Variants in FAM161A observed in about 807,000 individuals in gnomAD.
FAM161A encodes protein FAM161A.
A neutral mutation model predicts 70.9 loss-of-function variants in FAM161A; 57 were observed. The observed-to-expected ratio is 0.80, with a 90% CI of 0.65 to 1.00. FAM161A has a LOEUF of 1.00. Ranked by LOEUF, FAM161A falls within the 50% of genes least tolerant of loss-of-function variation. The probability of loss-of-function intolerance (pLI) is 0.00; values close to 1 mark genes in which losing one functional copy is unlikely to be tolerated. For missense variants in FAM161A, 880 were observed against 836.0 expected, an observed-to-expected ratio of 1.05 and a Z score of -0.65; for synonymous variants, 299 against 295.7, an observed-to-expected ratio of 1.01 and a Z score of -0.12.
In FAM161A at chr2:61,848,890, ATATATTTATATATATATT is replaced by A. The variant is rs1673344165; in HGVS notation, c.183+4951_183+4968del. On this transcript the variant is annotated intron_variant, in intron 1 of 6. Coordinates refer to ENST00000404929, the MANE Select transcript of FAM161A (RefSeq NM_001201543.2). ...TATATATATTTATATATATATTTAT[ATATATTTATATATATATT>A]TATATATTTATATATATTTATATAT... 6.4e-4 allele frequency among the ~76,000 whole-genome samples: 6 copies of A among 9,306 alleles called. 1 individual carries two copies. Among genetic ancestry groups the A allele is most frequent in the Middle Eastern group, 0.25 (2 of 8 alleles). The allele number at this position is 9,306 out of a possible 152,430, so 6.1% of individuals were successfully genotyped here.
chr2:61,803,427 G>A, the FAM161A span: 2 of 677,312 alleles, frequency 3.0e-6, no homozygotes, highest in South Asian at 1.5e-5. Context: ...AGAAAGTCAG[G>A]GGTACTGCAA....
In FAM161A at chr2:61,842,364, G is replaced by C. The variant is rs1342824054; in HGVS notation, c.184-4C>G. 2 of 1,537,004 alleles carry C rather than the reference G, an allele frequency of 1.3e-6. No homozygotes were observed. Among genetic ancestry groups the C allele is most frequent in the Non-Finnish European group, 1.8e-6 (2 of 1,131,792 alleles). ...AAAAGCTGGTGTTCAAATCAGCCTG[G>C]TGGGGAGAAAACACTTGATATATAG... is the stretch of plus-strand genomic sequence containing the variant. On this transcript the variant is annotated splice_region_variant and splice_polypyrimidine_tract_variant and intron_variant, in intron 1 of 6. Coordinates refer to ENST00000404929, the MANE Select transcript of FAM161A (RefSeq NM_001201543.2).
At chr2:61,833,857 C>T (rs1672674997) in intron 5 of FAM161A, among the ~76,000 whole-genome samples, 1 of 152,058 alleles carries the variant, frequency 6.6e-6, no homozygotes, top group African/African-American at 2.4e-5. Flanking sequence ...CAGCGAGACC[C>T]AGTCTCTACA....
At chr2:61,823,362 C>CATATATATATATATATATATGTATATAT (rs1672249578), downstream of FAM161A, among the ~76,000 whole-genome samples, 1 of 119,990 alleles carries the variant, frequency 8.3e-6, no homozygotes, top group African/African-American at 3.2e-5. Flanking sequence ...AATTTTCCAT[C>CATATATATATATATATATATGTATATAT]ATATATATAT....
chr2:61,805,083 C>T, the FAM161A span, among the ~76,000 whole-genome samples: 5 of 152,212 alleles, frequency 3.3e-5, no homozygotes, highest in Middle Eastern at 3.4e-3. Flanking sequence ...CTCCTGACCC[C>T]AAATTTTTAG....
intron 2 of FAM161A, among the ~76,000 whole-genome samples, chr2:61,841,771 T>C (rs1342725303): frequency 2.0e-5 from 3 of 152,246 alleles, no homozygotes; most frequent in Non-Finnish European, 4.4e-5. Context: ...GAACTCTTTG[T>C]ACTAGATCTT....
At chr2:61,823,914 T>A (rs1040457118), downstream of FAM161A, among the ~76,000 whole-genome samples, 2 of 152,104 alleles carry the variant, frequency 1.3e-5, no homozygotes, top group African/African-American at 4.8e-5. Context: ...ATGTAAAAAA[T>A]TTTCAGTTAC....
chr2:61,838,454 C>A, intron 4 of FAM161A, 84 bp downstream of exon 4: 1 of 1,143,056 alleles, frequency 8.7e-7, no homozygotes, highest in South Asian at 1.4e-5. Flanking sequence ...TATTTTCAAT[C>A]TGCTCATATT....
chr2:61,830,250 G>A (rs1156607639), intron 5 of FAM161A, among the ~76,000 whole-genome samples: 1 of 152,150 alleles, frequency 6.6e-6, no homozygotes, highest in Non-Finnish European at 1.5e-5. Context: ...GATTCAGATA[G>A]GAAATAAAGG....
chr2:61,814,795 C>T, the FAM161A span, among the ~76,000 whole-genome samples: 6 of 152,184 alleles, frequency 3.9e-5, no homozygotes, highest in Admixed American at 3.3e-4. Flanking sequence ...CTGTTGAGTG[C>T]GTATACTTGG....
chr2:61,840,273 A>G lies in FAM161A; in HGVS notation c.731T>C (p.Met244Thr), dbSNP rs373769568. The change falls in exon 3 of 7, where the codon ATG (methionine) becomes ACG (threonine). Residue 244 changes from methionine (M) to threonine (T), a missense_variant. Met to Thr is a moderately conservative substitution (Grantham distance 81). Transcript: ENST00000404929. ...TTTTTTCTTCTGTTCTCTTATCATCATTTGAAAAGGCTCCGGTACTGTAAT... is the reference window on the plus strand; with the variant it reads ...TTTTTTCTTCTGTTCTCTTATCATCGTTTGAAAAGGCTCCGGTACTGTAAT... ...PTITVPEPFQMMIREQKKKEE... is the reference protein window; with the variant it reads ...PTITVPEPFQTMIREQKKKEE... The G allele has an allele frequency of 1.2e-6, 2 of 1,613,946 alleles. No individual in the cohort carries two copies. The highest frequency in any genetic ancestry group is 1.7e-6 in the Non-Finnish European group (2 of 1,179,996).
rs370552841 is a variant in FAM161A, at chr2:61,825,676, T to C, written c.*779A>G. 1.1e-4 allele frequency: 45 copies of C among 426,594 alleles called. No individual in the cohort carries two copies. Among genetic ancestry groups the C allele is most frequent in the Non-Finnish European group, 1.1e-4 (24 of 219,140 alleles). 26.4% of individuals were successfully genotyped at this position (426,594 alleles called of 1,614,324 possible). On this transcript the variant is annotated 3_prime_UTR_variant, in exon 7 of 7. Transcript: ENST00000404929. ...TTTTGGAGACGGAGTCTCGCTCTGTTGCCCAAGCTGGAGTGCAGTGGCGCG... is the reference window on the plus strand; with the variant it reads ...TTTTGGAGACGGAGTCTCGCTCTGTCGCCCAAGCTGGAGTGCAGTGGCGCG...
intron 5 of FAM161A, among the ~76,000 whole-genome samples, chr2:61,834,591 T>C (rs949043399): frequency 6.6e-6 from 1 of 151,970 alleles, no homozygotes; most frequent in Non-Finnish European, 1.5e-5. Flanking sequence ...GCCTCCCAAG[T>C]AGTTGGGACT....
the FAM161A span, among the ~76,000 whole-genome samples, chr2:61,803,587 A>T: frequency 6.6e-6 from 1 of 152,230 alleles, no homozygotes; most frequent in African/African-American, 2.4e-5. Context: ...AGGCCAAGGC[A>T]GGTGGATCAC....
At chr2:61,807,965 G>A in the FAM161A span, among the ~76,000 whole-genome samples, 1 of 152,162 alleles carries the variant, frequency 6.6e-6, no homozygotes, top group Non-Finnish European at 1.5e-5. Flanking sequence ...GCCACACAAA[G>A]TGTGGGCCCA....
At chr2:61,830,151 C>T (rs927141935) in intron 5 of FAM161A, among the ~76,000 whole-genome samples, 1 of 152,118 alleles carries the variant, frequency 6.6e-6, no homozygotes, top group African/African-American at 2.4e-5. Context: ...CCAGGGTTAA[C>T]ATTTTAGTAG....
chr2:61,801,506 A>G, the FAM161A span, among the ~76,000 whole-genome samples: 1 of 151,832 alleles, frequency 6.6e-6, no homozygotes, highest in Non-Finnish European at 1.5e-5. Flanking sequence ...CAAAAAAAAA[A>G]AAATAGAATT....
intron 1 of FAM161A, among the ~76,000 whole-genome samples, chr2:61,843,233 T>G (rs1478407902): frequency 2.0e-5 from 3 of 152,186 alleles, no homozygotes; most frequent in Non-Finnish European, 4.4e-5. Flanking sequence ...AACCTCTGCC[T>G]TCTCCTGCCT....
chr2:61,837,028 C>A (rs1204860493), intron 4 of FAM161A, among the ~76,000 whole-genome samples: 2 of 152,046 alleles, frequency 1.3e-5, no homozygotes, highest in African/African-American at 4.8e-5. Context: ...CCACACCTGG[C>A]TAATTTTTTT....
Sources: allele counts gnomAD v4.1 joint callset (sites outside exome capture counted in the v4.1 genomes callset), GRCh38; gene constraint gnomAD v4.1.1; transcripts MANE v1.5; gene names NCBI Gene and HGNC (gene_info 2026-07-23, HGNC 2026-07-21).